Variants in TIAM2 observed in about 807,000 individuals in gnomAD.
TIAM2 encodes the protein rho guanine nucleotide exchange factor TIAM2.
Under a neutral mutation model 152.9 loss-of-function variants are expected in TIAM2, and 80 were observed. The observed-to-expected ratio is 0.52, with a 90% confidence interval of 0.44 to 0.63. The LOEUF is 0.63. TIAM2 is among the 30% of genes least tolerant of loss of function. TIAM2 has a pLI of 0.00. For synonymous variants in TIAM2, 804 were observed against 838.0 expected, an observed-to-expected ratio of 0.96 and a Z score of 0.70; for missense variants, 1,965 against 2,120.1, an observed-to-expected ratio of 0.93 and a Z score of 1.44.
At chr6:155,030,024 G>A (rs57461837) in intron 1 of TIAM2, among the ~76,000 whole-genome samples, 1 of 151,852 alleles carries the variant, frequency 6.6e-6, no homozygotes, top group South Asian at 2.1e-4. Context: ...GAACCCTGGG[G>A]TCAAGCCATC....
At chr6:154,999,273 C>T (rs1377557132) in intron 1 of TIAM2, among the ~76,000 whole-genome samples, 2 of 151,690 alleles carry the variant, frequency 1.3e-5, no homozygotes, top group African/African-American at 2.4e-5. Flanking sequence ...AGTGCAGTGG[C>T]GATCTCAGCT....
At chr6:155,104,289 G>C (rs1583191661) in intron 2 of TIAM2, among the ~76,000 whole-genome samples, 1 of 152,022 alleles carries the variant, frequency 6.6e-6, no homozygotes, top group Non-Finnish European at 1.5e-5. Context: ...AATTTTGCAG[G>C]TTTATCCCAC....
At chr6:155,226,364 G>C (rs1243577498) in intron 15 of TIAM2, among the ~76,000 whole-genome samples, 1 of 152,168 alleles carries the variant, frequency 6.6e-6, no homozygotes, top group African/African-American at 2.4e-5. Flanking sequence ...GCTTTTAAGT[G>C]GAAACAAAAG....
chr6:155,008,123 C>G (rs983338685), intron 1 of TIAM2, among the ~76,000 whole-genome samples: 3 of 152,124 alleles, frequency 2.0e-5, no homozygotes, highest in African/African-American at 7.2e-5. Flanking sequence ...AGGAAAATCT[C>G]TAAACATTTA....
chr6:155,127,540 C>G lies in TIAM2; in HGVS notation c.-67C>G, dbSNP rs1426165574. ...TGCTTGTTAAATGTGCTGTGTTGCT[C>G]CCAAGACCATGTAAAGCCTACTGAC... On this transcript the variant is annotated 5_prime_UTR_variant, in exon 3 of 27. Coordinates refer to ENST00000682666, the MANE Select transcript of TIAM2 (RefSeq NM_012454.4). 6.6e-6 allele frequency: 3 copies of G among 455,840 alleles called. No individual in the cohort carries two copies. In the Admixed American group the frequency reaches 7.1e-5, roughly 11 times the overall value. 28.2% of individuals were successfully genotyped at this position (455,840 alleles called of 1,614,324 possible).
intron 14 of TIAM2, among the ~76,000 whole-genome samples, chr6:155,192,577 A>G (rs887052520): frequency 2.2e-4 from 33 of 152,192 alleles, no homozygotes; most frequent in African/African-American, 7.7e-4. Context: ...TAACATAACA[A>G]TAGTGGATCC....
chr6:155,158,757 A>T (rs879493932), intron 7 of TIAM2, among the ~76,000 whole-genome samples: 4 of 147,114 alleles, frequency 2.7e-5, no homozygotes, highest in Non-Finnish European at 5.9e-5. Flanking sequence ...GGGTTTCACC[A>T]CGTTGACCAG....
rs750154658 is a variant in TIAM2, at chr6:155,130,129, G to A, written c.906G>A (p.Leu302=). The part of the protein sequence containing the change: ...QSSSLSSLRE[L]YKDANLGSLS... ...CTTCCCTCTCCTCCCTCCGGGAACTGTACAAAGATGCCAACCTGGGGAGCC... is the reference window on the plus strand; with the variant it reads ...CTTCCCTCTCCTCCCTCCGGGAACTATACAAAGATGCCAACCTGGGGAGCC... Residue 302 remains leucine, a synonymous_variant, in exon 4 of 27, where the codon CTG becomes CTA. Transcript: ENST00000682666. 9 of 1,614,060 alleles carry A rather than the reference G, an allele frequency of 5.6e-6. No individual in the cohort carries two copies. In the South Asian group the frequency reaches 8.8e-5, roughly 16 times the overall value.
At chr6:155,160,435 T>A (rs1780239798) in intron 7 of TIAM2, among the ~76,000 whole-genome samples, 1 of 152,072 alleles carries the variant, frequency 6.6e-6, no homozygotes, top group African/African-American at 2.4e-5. Context: ...AATGTTAATA[T>A]CTCCCAGAAC....
chr6:154,999,946 G>A (rs556795914), intron 1 of TIAM2, among the ~76,000 whole-genome samples: 1 of 152,100 alleles, frequency 6.6e-6, no homozygotes, highest in South Asian at 2.1e-4. Context: ...CAAAGTGCTG[G>A]GATTACAGGT....
chr6:155,126,928 G>A (rs1264621524), intron 2 of TIAM2, among the ~76,000 whole-genome samples: 2 of 151,880 alleles, frequency 1.3e-5, no homozygotes, highest in African/African-American at 4.8e-5. Flanking sequence ...CCCCATCTCA[G>A]CCAGTCCTCC....
intron 1 of TIAM2, among the ~76,000 whole-genome samples, chr6:155,010,705 C>T (rs1013974874): frequency 6.6e-6 from 1 of 152,106 alleles, no homozygotes; most frequent in Non-Finnish European, 1.5e-5. Flanking sequence ...CCCGCCTCGG[C>T]CTCCCAAAGT....
At chr6:155,021,153 A>G (rs553160667) in intron 1 of TIAM2, among the ~76,000 whole-genome samples, 1 of 151,906 alleles carries the variant, frequency 6.6e-6, no homozygotes, top group Non-Finnish European at 1.5e-5. Flanking sequence ...GGGTTTTTCT[A>G]CTTTTTGGCT....
intron 2 of TIAM2, among the ~76,000 whole-genome samples, chr6:155,103,781 A>C (rs1778601898): frequency 6.7e-6 from 1 of 149,342 alleles, no homozygotes; most frequent in Non-Finnish European, 1.5e-5. Context: ...ATTTCCATGC[A>C]ATTAATTGTT....
intron 15 of TIAM2, among the ~76,000 whole-genome samples, chr6:155,239,732 A>G (rs1029711346): frequency 2.6e-5 from 4 of 152,086 alleles, no homozygotes; most frequent in Admixed American, 2.6e-4. Flanking sequence ...CTGAGCCCAC[A>G]TTCCCTAGGC....
At chr6:155,244,930 C>T in intron 18 of TIAM2, 147 bp downstream of exon 18, 1 of 1,062,434 alleles carries the variant, frequency 9.4e-7, no homozygotes, top group Non-Finnish European at 1.3e-6. Flanking sequence ...CACCGTTTTC[C>T]TCTGTCAGGT....
At chr6:155,161,056 G>T (rs1780256165) in intron 7 of TIAM2, among the ~76,000 whole-genome samples, 2 of 152,182 alleles carry the variant, frequency 1.3e-5, no homozygotes, top group Admixed American at 6.5e-5. Flanking sequence ...AAGCATCTGG[G>T]TCCATGTTCT....
chr6:155,207,675 C>G (rs1448349356), intron 14 of TIAM2, among the ~76,000 whole-genome samples: 1 of 152,154 alleles, frequency 6.6e-6, no homozygotes, highest in African/African-American at 2.4e-5. Flanking sequence ...TTAAGGGGCT[C>G]TAGGGGGCCT....
At chr6:155,212,071 T>C (rs1005049166) in intron 15 of TIAM2, among the ~76,000 whole-genome samples, 1 of 152,244 alleles carries the variant, frequency 6.6e-6, no homozygotes, top group African/African-American at 2.4e-5. Flanking sequence ...GGCTGAGTAA[T>C]ATTCCATTAT....
Sources: gnomAD v4.1 joint callset for allele counts (sites outside exome capture counted in the v4.1 genomes callset) on GRCh38, gnomAD v4.1.1 for gene constraint, MANE v1.5 for transcripts, NCBI Gene and HGNC (gene_info 2026-07-23, HGNC 2026-07-21) for gene names.